Variants in DNAH6 observed in about 807,000 individuals in gnomAD.
DNAH6 encodes the protein axonemal beta dynein heavy chain 6.
DNAH6 carries 340 observed loss-of-function variants against 491.4 expected under a neutral mutation model. That is an observed-to-expected ratio of 0.69 (90% CI 0.63 to 0.76). DNAH6 has a LOEUF of 0.76. DNAH6 is among the 30% of genes least tolerant of loss of function. DNAH6 has a pLI of 0.00. For synonymous variants in DNAH6, 1,603 were observed against 1,686.1 expected (o/e 0.95, Z 1.21); for missense variants, 4,443 against 4,972.2 (o/e 0.89, Z 3.20).
Position 84,784,803 on chromosome 2 carries a change from C to T in DNAH6, c.10946C>T (p.Ser3649Phe). Residue 3649 changes from serine (S) to phenylalanine (F), a missense_variant, in exon 66 of 77, where the codon TCT (serine) becomes TTT (phenylalanine). Coordinates refer to ENST00000389394, the MANE Select transcript of DNAH6 (RefSeq NM_001370.2). ...NTFPVTVLQNSVKVTNEPPKG... is the reference protein window; with the variant it reads ...NTFPVTVLQNFVKVTNEPPKG... Reference sequence around the variant, plus strand: ...TTTCCTGTTACAGTTCTTCAAAATTCTGTCAAGGTAATGTATGCATATGGT... The same window carrying T: ...TTTCCTGTTACAGTTCTTCAAAATTTTGTCAAGGTAATGTATGCATATGGT... 1.9e-6 allele frequency: 3 copies of T among 1,546,404 alleles called. No individual in the cohort carries two copies. The highest frequency in any genetic ancestry group is 1.2e-5 in the South Asian group (1 of 83,890).
intron 29 of DNAH6, among the ~76,000 whole-genome samples, chr2:84,630,386 CA>C (rs923261575): frequency 1.2e-4 from 18 of 150,978 alleles, no homozygotes; most frequent in Admixed American, 3.3e-4. Context: ...TATTCCTGTT[CA>C]AAAAAAAATT....
chr2:84,805,890 G>A (rs1237010717), intron 71 of DNAH6, 96 bp downstream of exon 71: 1 of 1,158,500 alleles, frequency 8.6e-7, no homozygotes, highest in Non-Finnish European at 1.2e-6. Context: ...TGCTTATTAT[G>A]TAGACTTTTT....
chr2:84,690,703 T>G (rs1261342489), intron 45 of DNAH6, among the ~76,000 whole-genome samples: 1 of 152,250 alleles, frequency 6.6e-6, no homozygotes, highest in Admixed American at 6.5e-5. Context: ...TGATGTAGAC[T>G]GTTCTCTTTT....
chr2:84,680,516 A>G (rs1156786769), intron 41 of DNAH6, among the ~76,000 whole-genome samples: 2 of 151,950 alleles, frequency 1.3e-5, no homozygotes, highest in Non-Finnish European at 2.9e-5. Flanking sequence ...GAAGGATGAA[A>G]GGGCACCTGC....
intron 49 of DNAH6, among the ~76,000 whole-genome samples, chr2:84,702,542 CTTT>C (rs34867074): frequency 2.3e-5 from 3 of 132,474 alleles, no homozygotes; most frequent in African/African-American, 5.5e-5. Flanking sequence ...TTTGAACCAG[CTTT>C]TTTTTTTTTT....
chr2:84,735,671 A>G (rs773151913), intron 62 of DNAH6, among the ~76,000 whole-genome samples: 2 of 151,878 alleles, frequency 1.3e-5, no homozygotes, highest in Non-Finnish European at 2.9e-5. Flanking sequence ...TCATGTTAGT[A>G]TGTCTTCTTT....
chr2:84,718,419 T>C, intron 59 of DNAH6, 35 bp downstream of exon 59: 2 of 1,462,768 alleles, frequency 1.4e-6, no homozygotes, highest in Non-Finnish European at 1.8e-6. Context: ...ATGGAAAGTA[T>C]GTTACTTCAA....
Position 84,797,537 on chromosome 2 carries a change from G to T in DNAH6, c.11360G>T (p.Gly3787Val), listed in dbSNP as rs972372148. ...TTGTCTTCTGTGTTTTTAATAACAG[G>T]CATCTATTTTGCACCCATGGCTGAC... ...LEEDYKYSES[G>V]IYFAPMADSL... is the part of the protein sequence containing the mutation. The change falls in exon 70 of 77, where the codon GGC becomes GTC. Residue 3787 changes from glycine (G) to valine (V), a missense_variant and splice_region_variant. Physicochemically the swap from Gly to Val is moderately radical, Grantham distance 109 (BLOSUM62 -3). This residue lies in a region of DNAH6 where 1,463 missense variants were observed against 1,656.6 expected (regional missense o/e 0.88). Coordinates refer to ENST00000389394, the MANE Select transcript of DNAH6 (RefSeq NM_001370.2). The T allele has an allele frequency of 5.8e-6, 9 of 1,549,102 alleles. No homozygotes were observed. In the African/African-American group the frequency reaches 1.2e-4, roughly 21 times the overall value.
chr2:84,672,490 T>G lies in DNAH6; in HGVS notation c.6612+6T>G, dbSNP rs1310741580. 1 of 1,545,698 alleles carries G rather than the reference T, an allele frequency of 6.5e-7. No individual in the cohort carries two copies. Among genetic ancestry groups the G allele is most frequent in the Admixed American group, 2.0e-5 (1 of 50,056 alleles). On this transcript the variant is annotated splice_donor_region_variant and intron_variant, in intron 40 of 76. Coordinates refer to ENST00000389394, the MANE Select transcript of DNAH6 (RefSeq NM_001370.2). Reference sequence around the variant, plus strand: ...TGTTTTGGAAAGAAATACAGGTTACTTTAGCTTTTAAATTACTTGGTGTGC... The same window carrying G: ...TGTTTTGGAAAGAAATACAGGTTACGTTAGCTTTTAAATTACTTGGTGTGC...
intron 17 of DNAH6, among the ~76,000 whole-genome samples, chr2:84,594,462 A>G (rs879621810): frequency 6.6e-6 from 1 of 152,238 alleles, no homozygotes; most frequent in Non-Finnish European, 1.5e-5. Flanking sequence ...CCTTTAAAAA[A>G]GGAAGCCATT....
chr2:84,570,315 AAATGCCCC>A (rs1477745217), intron 11 of DNAH6, among the ~76,000 whole-genome samples: 1 of 152,208 alleles, frequency 6.6e-6, no homozygotes, highest in Non-Finnish European at 1.5e-5. Flanking sequence ...AGAGGATTGT[AAATGCCCC>A]AATCAGCACT....
At chr2:84,737,338 T>C (rs1281052686) in intron 62 of DNAH6, among the ~76,000 whole-genome samples, 7 of 152,256 alleles carry the variant, frequency 4.6e-5, no homozygotes, top group Middle Eastern at 3.4e-3. Flanking sequence ...GATGCTAACT[T>C]CATAGAATGA....
chr2:84,798,988 C>CTTT (rs34678148), intron 70 of DNAH6, among the ~76,000 whole-genome samples: 8 of 136,632 alleles, frequency 5.9e-5, no homozygotes, highest in African/African-American at 1.4e-4. Flanking sequence ...TTTTTCTTTC[C>CTTT]TTTTTTTTTT....
At chr2:84,647,855 G>A (rs892593960) in intron 33 of DNAH6, among the ~76,000 whole-genome samples, 1 of 152,172 alleles carries the variant, frequency 6.6e-6, no homozygotes, top group Non-Finnish European at 1.5e-5. Flanking sequence ...ACAAAACATA[G>A]TAGTTCTTGA....
intron 29 of DNAH6, among the ~76,000 whole-genome samples, chr2:84,632,938 A>G (rs965505984): frequency 1.3e-5 from 2 of 152,112 alleles, no homozygotes; most frequent in African/African-American, 4.8e-5. Context: ...TCTTTCTTGA[A>G]TCTTCACCTA....
chr2:84,528,959 C>T lies in DNAH6; in HGVS notation c.455C>T (p.Thr152Ile). The change falls in exon 4 of 77, where the codon ACT (threonine) becomes ATT (isoleucine). Residue 152 changes from threonine (T) to isoleucine (I), a missense_variant. Transcript: ENST00000389394. ...CCCTCTCCTCCTAAACTGCCACATA[C>T]TGGTATTGGAAAAAGAGGTCTCTTT... ...FSPSPPKLPHTGIGKRGLFGT... is the reference protein window; with the variant it reads ...FSPSPPKLPHIGIGKRGLFGT... 6.5e-7 allele frequency: 1 copy of T among 1,550,188 alleles called. No individual in the cohort carries two copies. Among genetic ancestry groups the T allele is most frequent in the Non-Finnish European group, 8.7e-7 (1 of 1,146,462 alleles).
intron 63 of DNAH6, among the ~76,000 whole-genome samples, chr2:84,753,398 C>G (rs1673658204): frequency 6.6e-6 from 1 of 151,970 alleles, no homozygotes. Flanking sequence ...TCCAGTTTAT[C>G]TATTTTTTTT....
At chr2:84,553,338 CCTTTTCCTTT>C (rs1162252769) in intron 10 of DNAH6, among the ~76,000 whole-genome samples, 17 of 71,682 alleles carry the variant, frequency 2.4e-4, no homozygotes, top group African/African-American at 8.1e-4. Flanking sequence ...CTTGTGAATA[CCTTTTCCTTT>C]CTTTTCTTTT....
At chr2:84,640,899 G>T (rs1442645507) in intron 32 of DNAH6, among the ~76,000 whole-genome samples, 1 of 152,164 alleles carries the variant, frequency 6.6e-6, no homozygotes, top group African/African-American at 2.4e-5. Flanking sequence ...ACCACCATAA[G>T]ATGGTATGAC....
Sources: allele counts gnomAD v4.1 joint callset (sites outside exome capture counted in the v4.1 genomes callset), GRCh38; gene constraint gnomAD v4.1.1; regional missense constraint gnomAD v4.1.1; transcripts MANE v1.5; gene names NCBI Gene and HGNC (gene_info 2026-07-23, HGNC 2026-07-21).